MYO5A: variants seen among roughly 807,000 people sequenced by gnomAD.
MYO5A encodes the protein myosin VA.
MYO5A carries 98 observed loss-of-function variants against 249.7 expected under a neutral mutation model. That is an observed-to-expected ratio of 0.39 (90% CI 0.33 to 0.46). The LOEUF is 0.46. Among genes scored for constraint, MYO5A ranks in the 20% least tolerant of loss-of-function variants. The probability of loss-of-function intolerance (pLI) is 0.98; values close to 1 mark genes in which losing one functional copy is unlikely to be tolerated. For missense variants in MYO5A, 1,696 were observed against 2,308.8 expected (o/e 0.73, Z 5.44); for synonymous variants, 778 against 810.6 (o/e 0.96, Z 0.68).
chr15:52,389,446 A>G (rs903234807), intron 12 of MYO5A, 83 bp from the exon 13 acceptor site: 58 of 1,033,126 alleles, frequency 5.6e-5, no homozygotes, highest in East Asian at 4.0e-4. Context: ...AAGATCTTTT[A>G]TTTTTTTTTT....
At chr15:52,446,001 G>C (rs1368464121) in intron 1 of MYO5A, among the ~76,000 whole-genome samples, 1 of 152,272 alleles carries the variant, frequency 6.6e-6, no homozygotes, top group African/African-American at 2.4e-5. Context: ...ATGTGGCAGA[G>C]ATAGCTTTTG....
intron 5 of MYO5A, among the ~76,000 whole-genome samples, chr15:52,414,466 A>T (rs1381656667): frequency 1.3e-5 from 2 of 152,168 alleles, no homozygotes; most frequent in Non-Finnish European, 2.9e-5. Flanking sequence ...AAAAACCAAT[A>T]AAGCTGGTTT....
At chr15:52,449,680 C>T (rs968497635) in intron 1 of MYO5A, among the ~76,000 whole-genome samples, 1 of 152,138 alleles carries the variant, frequency 6.6e-6, no homozygotes, top group African/African-American at 2.4e-5. Flanking sequence ...TAAGCTAAGT[C>T]TCTTCTCTCT....
intron 21 of MYO5A, among the ~76,000 whole-genome samples, chr15:52,371,921 T>C (rs950009177): frequency 7.0e-5 from 10 of 142,012 alleles, no homozygotes; most frequent in Non-Finnish European, 9.2e-5. Context: ...ATAATAATAA[T>C]AACTTCCTGC....
intron 25 of MYO5A, among the ~76,000 whole-genome samples, chr15:52,354,934 G>A (rs2040141744): frequency 6.6e-6 from 1 of 151,622 alleles, no homozygotes; most frequent in Non-Finnish European, 1.5e-5. Flanking sequence ...CACACAAACT[G>A]TAGGACAGAA....
chr15:52,352,904 C>A (rs1375393631), intron 27 of MYO5A, among the ~76,000 whole-genome samples: 1 of 152,138 alleles, frequency 6.6e-6, no homozygotes, highest in Non-Finnish European at 1.5e-5. Flanking sequence ...ATGCTCTCTC[C>A]CTTCCCCATT....
intron 31 of MYO5A, 143 bp downstream of exon 31, chr15:52,342,974 G>C (rs1464580643): frequency 7.8e-5 from 57 of 731,012 alleles, no homozygotes; most frequent in Non-Finnish European, 4.8e-6. Flanking sequence ...GAAAAGCTTT[G>C]AACAAATAAC....
intron 29 of MYO5A, among the ~76,000 whole-genome samples, chr15:52,346,839 C>T (rs142177995): frequency 1.6e-4 from 24 of 151,346 alleles, no homozygotes; most frequent in African/African-American, 5.6e-4. Context: ...TAACCAGGCA[C>T]CTATTTAATG....
intron 1 of MYO5A, among the ~76,000 whole-genome samples, chr15:52,453,724 T>C (rs896743091): frequency 6.6e-6 from 1 of 151,856 alleles, no homozygotes; most frequent in Non-Finnish European, 1.5e-5. Flanking sequence ...ATTATAGAGG[T>C]TTTTTTTAAA....
At chr15:52,528,165 A>G (rs891084771) in intron 1 of MYO5A, among the ~76,000 whole-genome samples, 1 of 152,180 alleles carries the variant, frequency 6.6e-6, no homozygotes, top group Admixed American at 6.5e-5. Context: ...GCAAACTCCC[A>G]GCGATAAATG....
chr15:52,315,437 C>G (rs61352753), intron 40 of MYO5A, among the ~76,000 whole-genome samples: 5,530 of 151,910 alleles, frequency 0.036, 335 homozygotes, highest in African/African-American at 0.13. Context: ...TGCAGTGGCA[C>G]AATCTTGGCT....
intron 30 of MYO5A, among the ~76,000 whole-genome samples, chr15:52,346,090 G>T (rs933445432): frequency 2.6e-5 from 4 of 152,162 alleles, no homozygotes; most frequent in Non-Finnish European, 5.9e-5. Context: ...TTCTTCTCAA[G>T]GCAGCCCCTT....
intron 23 of MYO5A, among the ~76,000 whole-genome samples, chr15:52,366,620 T>C (rs1437071308): frequency 1.6e-5 from 2 of 128,010 alleles, no homozygotes; most frequent in Non-Finnish European, 3.2e-5. Flanking sequence ...ATAACATCCA[T>C]TGATTTAGCA....
At chr15:52,426,798 A>G (rs77060697) in intron 3 of MYO5A, among the ~76,000 whole-genome samples, 2 of 152,048 alleles carry the variant, frequency 1.3e-5, no homozygotes, top group African/African-American at 4.8e-5. Flanking sequence ...ACTTTTCTGT[A>G]TTTCCTAAGA....
In MYO5A at chr15:52,321,375, G is replaced by A; in HGVS notation, c.4935C>T (p.Ile1645=). 4 of 1,614,190 alleles carry A rather than the reference G, an allele frequency of 2.5e-6. No homozygotes were observed. Among genetic ancestry groups the A allele is most frequent in the Non-Finnish European group, 3.4e-6 (4 of 1,180,030 alleles). ...YQQLVRVLEN[I]LQPMIVSGML... ...TGGCCTTACCAATCATTGGCTGAAG[G>A]ATGTTCTCTAACACCCGCACGAGCT... The change falls in exon 38 of 42, where the codon ATC becomes ATT. Residue 1645 remains isoleucine, a synonymous_variant. Coordinates refer to ENST00000399233, the MANE Select transcript of MYO5A (RefSeq NM_001382347.1).
intron 3 of MYO5A, among the ~76,000 whole-genome samples, chr15:52,427,917 G>C (rs771869335): frequency 9.2e-5 from 14 of 152,168 alleles, no homozygotes; most frequent in Non-Finnish European, 1.9e-4. Context: ...ACCATGAGCT[G>C]GGTGGCTGGC....
chr15:52,379,087 T>C (rs915317391), intron 18 of MYO5A, among the ~76,000 whole-genome samples: 4 of 152,150 alleles, frequency 2.6e-5, no homozygotes, highest in Non-Finnish European at 4.4e-5. Context: ...CTTATAATAG[T>C]CTCCTTCCAT....
intron 8 of MYO5A, among the ~76,000 whole-genome samples, chr15:52,406,449 C>CTG (rs2043006680): frequency 6.6e-6 from 1 of 152,072 alleles, no homozygotes; most frequent in African/African-American, 2.4e-5. Context: ...ATATGAATCA[C>CTG]CAATAGATTT....
At chr15:52,487,795 A>G (rs11855673) in intron 1 of MYO5A, among the ~76,000 whole-genome samples, 22,703 of 151,572 alleles carry the variant, frequency 0.15, 1,818 homozygotes, top group Middle Eastern at 0.22. Context: ...TTGGCTGACT[A>G]AGGAAACCAG....
Sources: gnomAD v4.1 joint callset for allele counts (sites outside exome capture counted in the v4.1 genomes callset) on GRCh38, gnomAD v4.1.1 for gene constraint, MANE v1.5 for transcripts, NCBI Gene and HGNC (gene_info 2026-07-23, HGNC 2026-07-21) for gene names.